Variants in GABRB2 observed in about 807,000 individuals in gnomAD.
GABRB2 encodes gamma-aminobutyric acid type A receptor subunit beta2, also known as gamma-aminobutyric acid receptor subunit beta-2.
In GABRB2, 16 loss-of-function variants were observed where a neutral mutation model predicts 54.7. The ratio of observed to expected loss-of-function variants is 0.29; its 90% CI spans 0.20 to 0.44. The LOEUF is 0.44. GABRB2 is among the 20% of genes least tolerant of loss of function. GABRB2 has a pLI of 1.00. For missense variants in GABRB2, 355 were observed against 644.0 expected, an observed-to-expected ratio of 0.55 and a Z score of 4.86; for synonymous variants, 244 against 233.8, an observed-to-expected ratio of 1.04 and a Z score of -0.40.
Position 161,537,403 on chromosome 5 carries a change from GA to G in GABRB2, c.237+7823del, listed in dbSNP as rs901261574. On this transcript the variant is annotated intron_variant, in intron 3 of 9. Coordinates refer to ENST00000393959, the MANE Select transcript of GABRB2 (RefSeq NM_001371727.1). ...TCCATTTGGAGATTCCATGTGCATA[GA>G]AAAAAAAAATCACCATTTCCCAAAG... Among the ~76,000 whole-genome samples, 243 of 149,076 alleles carry G rather than the reference GA, an allele frequency of 1.6e-3. 1 individual carries two copies. Among genetic ancestry groups the G allele is most frequent in the African/African-American group, 4.2e-3 (170 of 40,644 alleles).
At chr5:161,306,109 A>G (rs1302250152) in intron 9 of GABRB2, among the ~76,000 whole-genome samples, 1 of 149,622 alleles carries the variant, frequency 6.7e-6, no homozygotes, top group Non-Finnish European at 1.5e-5. Context: ...TCTCTTGTTC[A>G]TGGGTTTTGA....
At chr5:161,471,237 A>G (rs949630403) in intron 3 of GABRB2, among the ~76,000 whole-genome samples, 1 of 152,022 alleles carries the variant, frequency 6.6e-6, no homozygotes, top group Non-Finnish European at 1.5e-5. Flanking sequence ...GAATGCAAGT[A>G]TTCCCACAAA....
At chr5:161,475,913 C>G (rs1758578095) in intron 3 of GABRB2, among the ~76,000 whole-genome samples, 2 of 151,888 alleles carry the variant, frequency 1.3e-5, no homozygotes, top group Non-Finnish European at 2.9e-5. Context: ...TCCACTTTCA[C>G]CACTTCTATT....
intron 3 of GABRB2, among the ~76,000 whole-genome samples, chr5:161,537,656 A>C (rs1249125030): frequency 6.6e-6 from 1 of 152,062 alleles, no homozygotes; most frequent in Non-Finnish European, 1.5e-5. Flanking sequence ...TCCAACGTTA[A>C]ATTTTGCTCC....
rs1458743264 is a variant in GABRB2, at chr5:161,489,088, G to A, written c.238-29244C>T. Among the ~76,000 whole-genome samples, 4 of 151,694 alleles carry A rather than the reference G, an allele frequency of 2.6e-5. No homozygotes were observed. In the East Asian group the frequency reaches 5.8e-4, roughly 22 times the overall value. On this transcript the variant is annotated intron_variant, in intron 3 of 9. Coordinates refer to ENST00000393959, the MANE Select transcript of GABRB2 (RefSeq NM_001371727.1). ...AACTATGAAATCTAATGAAACCGCT[G>A]CCATTCTTCAAACAAATAGACTATT... is the stretch of plus-strand genomic sequence containing the variant.
At chr5:161,492,544 T>C (rs1759114560) in intron 3 of GABRB2, among the ~76,000 whole-genome samples, 1 of 146,356 alleles carries the variant, frequency 6.8e-6, no homozygotes, top group Admixed American at 7.0e-5. Flanking sequence ...TGTTTTCCTT[T>C]GGAATTTCTT....
chr5:161,511,021 C>A (rs577863431), intron 3 of GABRB2, among the ~76,000 whole-genome samples: 1 of 151,818 alleles, frequency 6.6e-6, no homozygotes, highest in South Asian at 2.1e-4. Context: ...ATTATTTGTA[C>A]CCATACTAAT....
chr5:161,323,067 C>T (rs1371542051), intron 9 of GABRB2, among the ~76,000 whole-genome samples: 3 of 150,516 alleles, frequency 2.0e-5, no homozygotes, highest in African/African-American at 7.4e-5. Flanking sequence ...CTCTGTCATC[C>T]AGGCTGGAGT....
intron 5 of GABRB2, among the ~76,000 whole-genome samples, chr5:161,381,966 T>G (rs1372171009): frequency 6.6e-6 from 1 of 152,218 alleles, no homozygotes; most frequent in Non-Finnish European, 1.5e-5. Context: ...ATTAATATTA[T>G]GAACCAGTTA....
chr5:161,317,670 A>G (rs2113374938), intron 9 of GABRB2, among the ~76,000 whole-genome samples: 1 of 152,296 alleles, frequency 6.6e-6, no homozygotes, highest in South Asian at 2.1e-4. Flanking sequence ...CAATTTAAAA[A>G]TTAAAAACTT....
At chr5:161,341,945 A>T (rs1170085340) in intron 5 of GABRB2, among the ~76,000 whole-genome samples, 1 of 60,728 alleles carries the variant, frequency 1.6e-5, no homozygotes, top group East Asian at 6.4e-4. Flanking sequence ...TTTTATATAT[A>T]TATATATATA....
chr5:161,294,306 G>C lies in GABRB2; in HGVS notation c.1314C>G (p.Ser438Arg). The C allele has an allele frequency of 6.2e-7, 1 of 1,614,130 alleles. No individual in the cohort carries two copies. The highest frequency in any genetic ancestry group is 1.7e-5 in the Admixed American group (1 of 59,994). Reference protein sequence around the residue: ...RSTMLAYDASSIQYRKAGLPR... With the variant: ...RSTMLAYDASRIQYRKAGLPR... ...GCAACCCAGCTTTCCGATACTGGAT[G>C]CTGGAGGCATCATAGGCTAGCATTG... Residue 438 changes from serine to arginine, a missense_variant, in exon 10 of 10, where the codon AGC (serine) becomes AGG (arginine). This residue lies in a region of GABRB2 where 201 missense variants were observed against 228.1 expected (regional missense o/e 0.88). Coordinates refer to ENST00000393959, the MANE Select transcript of GABRB2 (RefSeq NM_001371727.1).
At chr5:161,501,924 T>C (rs1396301407) in intron 3 of GABRB2, among the ~76,000 whole-genome samples, 1 of 148,570 alleles carries the variant, frequency 6.7e-6, no homozygotes, top group African/African-American at 2.4e-5. Flanking sequence ...ATTTTATATA[T>C]ACATATAAAA....
chr5:161,435,639 A>G (rs899283279), intron 4 of GABRB2, among the ~76,000 whole-genome samples: 13 of 152,236 alleles, frequency 8.5e-5, no homozygotes, highest in African/African-American at 3.1e-4. Flanking sequence ...GGCGGGAAAG[A>G]GAAAAATACA....
intron 3 of GABRB2, among the ~76,000 whole-genome samples, chr5:161,502,895 C>T (rs1466744927): frequency 6.6e-6 from 1 of 152,144 alleles, no homozygotes; most frequent in East Asian, 1.9e-4. Context: ...AAATACTAAG[C>T]TGTGGTTGAA....
chr5:161,351,124 A>G (rs1754459501), intron 5 of GABRB2, among the ~76,000 whole-genome samples: 1 of 152,126 alleles, frequency 6.6e-6, no homozygotes, highest in Non-Finnish European at 1.5e-5. Flanking sequence ...AATTATTAAA[A>G]TGTTCATATT....
At chr5:161,492,690 G>T (rs773099669) in intron 3 of GABRB2, among the ~76,000 whole-genome samples, 2 of 151,442 alleles carry the variant, frequency 1.3e-5, no homozygotes, top group Admixed American at 6.6e-5. Flanking sequence ...AACGTAAAAA[G>T]GAAATGCTCC....
At chr5:161,334,990 C>A in intron 6 of GABRB2, 86 bp from the exon 7 acceptor site, 1 of 1,320,240 alleles carries the variant, frequency 7.6e-7, no homozygotes, top group South Asian at 1.3e-5. Context: ...AGTACCTCTT[C>A]TCTCAGTTCA....
At chr5:161,475,512 G>A (rs1758566433) in intron 3 of GABRB2, among the ~76,000 whole-genome samples, 1 of 151,880 alleles carries the variant, frequency 6.6e-6, no homozygotes, top group East Asian at 1.9e-4. Flanking sequence ...AAGACACTAT[G>A]GGGAAAGAAG....
Sources: allele counts gnomAD v4.1 joint callset (sites outside exome capture counted in the v4.1 genomes callset), GRCh38; gene constraint gnomAD v4.1.1; regional missense constraint gnomAD v4.1.1; transcripts MANE v1.5; gene names NCBI Gene and HGNC (gene_info 2026-07-23, HGNC 2026-07-21).